The following PASK variants were observed in gnomAD, a reference collection of about 807,000 sequenced individuals.
The protein encoded by PASK is PAS domain containing serine/threonine kinase, also known as PAS domain-containing serine/threonine-protein kinase.
PASK carries 110 observed loss-of-function variants against 121.0 expected under a neutral mutation model. The observed-to-expected ratio is 0.91, with a 90% confidence interval of 0.78 to 1.06. The LOEUF (loss-of-function observed/expected upper bound fraction) is 1.06. PASK is among the 50% of genes least tolerant of loss of function. The pLI, the probability that PASK is intolerant of heterozygous loss-of-function variation, is 0.00. For missense variants in PASK, 1,643 were observed against 1,702.3 expected, an observed-to-expected ratio of 0.97 and a Z score of 0.61; for synonymous variants, 686 against 717.8, an observed-to-expected ratio of 0.96 and a Z score of 0.71.
chr2:241,122,300 A>G (rs1228876863), intron 12 of PASK, among the ~76,000 whole-genome samples: 2 of 152,226 alleles, frequency 1.3e-5, no homozygotes, highest in Non-Finnish European at 2.9e-5. Context: ...TAGATTATAA[A>G]TAAGAAAAAT....
chr2:241,135,474 T>C (rs1274230749), intron 8 of PASK, among the ~76,000 whole-genome samples: 1 of 152,120 alleles, frequency 6.6e-6, no homozygotes, highest in Non-Finnish European at 1.5e-5. Context: ...GACCCTCTAA[T>C]GTCAAACCCA....
chr2:241,134,168 G>A (rs1280310517), intron 8 of PASK: 2 of 152,166 alleles, frequency 1.3e-5, no homozygotes, highest in East Asian at 3.9e-4. Flanking sequence ...TCATCCTAAG[G>A]AAACAATGCG....
intron 11 of PASK, 63 bp from the exon 12 acceptor site, chr2:241,122,962 C>CACAGTGGT (rs2065684432): frequency 3.3e-6 from 5 of 1,529,818 alleles, no homozygotes; most frequent in Non-Finnish European, 4.5e-6. Flanking sequence ...GTGCAGCACC[C>CACAGTGGT]ACAGTGGTCC....
At chr2:241,139,516 G>T (rs1166705437) in intron 4 of PASK, 3 of 496,760 alleles carry the variant, frequency 6.0e-6, no homozygotes, top group Non-Finnish European at 1.2e-5. Flanking sequence ...ACACCAAACA[G>T]AATGTAAAAA....
At chr2:241,122,067 A>C (rs1299300157) in intron 12 of PASK, among the ~76,000 whole-genome samples, 2 of 152,248 alleles carry the variant, frequency 1.3e-5, no homozygotes, top group Non-Finnish European at 2.9e-5. Flanking sequence ...TAAATGAATG[A>C]ATGTGAAAGC....
Position 241,115,334 on chromosome 2 carries a change from A to C in PASK, c.3152T>G (p.Leu1051Ter). 6.2e-7 allele frequency: 1 copy of C among 1,613,922 alleles called. No homozygotes were observed. The highest frequency in any genetic ancestry group is 8.5e-7 in the Non-Finnish European group (1 of 1,179,862). The change falls in exon 13 of 18, where the codon TTA becomes TGA. Residue 1051 changes from leucine (L) to a stop codon, truncating the protein, a stop_gained. Coordinates refer to ENST00000234040, the MANE Select transcript of PASK (RefSeq NM_015148.4). LOFTEE classifies it high-confidence loss of function. ...CACCCTGGATAGAATTGCGATCTCT[A>C]AAGTAACTTTCCCAAGTTTGGGATC... The part of the protein sequence containing the change: ...IEDPKLGKVT[L>*]EIAILSRVEH...
chr2:241,114,764 G>C (rs1384865503), intron 14 of PASK: 15 of 1,402,732 alleles, frequency 1.1e-5, no homozygotes, highest in Non-Finnish European at 1.4e-5. Context: ...TGATTGTTGT[G>C]GATATTTTAT....
intron 10 of PASK, 44 bp downstream of exon 10, chr2:241,126,152 G>C (rs1354460665): frequency 6.3e-7 from 1 of 1,582,406 alleles, no homozygotes; most frequent in Non-Finnish European, 8.7e-7. Flanking sequence ...ACTGCACTGT[G>C]CTCTGGGAGC....
chr2:241,110,402 G>C (rs1229048182), intron 15 of PASK, among the ~76,000 whole-genome samples: 1 of 152,224 alleles, frequency 6.6e-6, no homozygotes, highest in Non-Finnish European at 1.5e-5. Flanking sequence ...TTGAGAATAA[G>C]AACTCAGAAA....
At position 241,126,343 on chromosome 2, in the gene PASK, T is replaced by C; in HGVS notation, c.2572A>G (p.Thr858Ala). 1 of 1,614,224 alleles carries C rather than the reference T, an allele frequency of 6.2e-7. No individual in the cohort carries two copies. The change falls in exon 10 of 18, where the codon ACG becomes GCG. Residue 858 changes from threonine (T) to alanine (A), a missense_variant. Physicochemically the swap from Thr to Ala is moderately conservative, Grantham distance 58 (BLOSUM62 0). This residue lies in a region of PASK where 1,176 missense variants were observed against 1,162.2 expected (regional missense o/e 1.01). Transcript: ENST00000234040. ...CTTGGCTCCTCTGCTGATGGGCACG[T>C]GTCCTCAGGGCCAGCATCCAACGTG... Reference protein sequence around the residue: ...PSTLDAGPEDTCPSAEEPRLN... With the variant: ...PSTLDAGPEDACPSAEEPRLN...
intron 1 of PASK, among the ~76,000 whole-genome samples, chr2:241,148,903 G>GA (rs1287925008): frequency 6.6e-6 from 1 of 151,994 alleles, no homozygotes; most frequent in Non-Finnish European, 1.5e-5. Flanking sequence ...CTCTGGGAAA[G>GA]AAAAATTAGT....
At chr2:241,131,901 A>C (rs1430109908) in intron 9 of PASK, among the ~76,000 whole-genome samples, 1 of 152,010 alleles carries the variant, frequency 6.6e-6, no homozygotes, top group Non-Finnish European at 1.5e-5. Flanking sequence ...TAAAAATACA[A>C]AAATTAGCCG....
Position 241,127,215 on chromosome 2 carries a change from A to G in PASK, c.1700T>C (p.Leu567Pro). ...DGGSDAGMCG[L>P]CQKAQLERMG... ...CCGCTCTAGCTGGGCCTTCTGACAC[A>G]GGCCACACATGCCAGCATCACTGCC... The change falls in exon 10 of 18, where the codon CTG (leucine) becomes CCG (proline). Residue 567 changes from leucine (L) to proline (P), a missense_variant. Physicochemically the swap from Leu to Pro is moderately conservative, Grantham distance 98. This residue lies in a region of PASK where 1,176 missense variants were observed against 1,162.2 expected (regional missense o/e 1.01). Coordinates refer to ENST00000234040, the MANE Select transcript of PASK (RefSeq NM_015148.4). The G allele has an allele frequency of 6.2e-7, 1 of 1,614,230 alleles. No individual in the cohort carries two copies. The highest frequency in any genetic ancestry group is 8.5e-7 in the Non-Finnish European group (1 of 1,180,038).
At chr2:241,128,542 GAC>G (rs2065979874) in intron 9 of PASK, among the ~76,000 whole-genome samples, 1 of 152,196 alleles carries the variant, frequency 6.6e-6, no homozygotes, top group African/African-American at 2.4e-5. Context: ...CTCGGGGACA[GAC>G]ACACAGGTTA....
At position 241,127,470 on chromosome 2, in the gene PASK, G is replaced by A. The variant is rs756880344; in HGVS notation, c.1464-19C>T. 1.9e-6 allele frequency: 3 copies of A among 1,603,768 alleles called. No individual in the cohort carries two copies. On this transcript the variant is annotated intron_variant, in intron 9 of 17. Transcript: ENST00000234040. ...GTCCACCCTGGGGATAATGACATGG[G>A]TGACCATCATGTAGGGCCACAGATG... is the stretch of plus-strand genomic sequence containing the variant.
chr2:241,111,371 G>A (rs938777044), intron 15 of PASK, among the ~76,000 whole-genome samples: 2 of 152,304 alleles, frequency 1.3e-5, no homozygotes, highest in South Asian at 2.1e-4. Context: ...GTGATCATCC[G>A]ACTCTCTAAC....
intron 5 of PASK, 65 bp from the exon 6 acceptor site, chr2:241,138,152 C>T: frequency 1.9e-6 from 3 of 1,571,188 alleles, no homozygotes; most frequent in Non-Finnish European, 2.6e-6. Context: ...TTTAACTAAG[C>T]TTCAATATGT....
intron 12 of PASK, among the ~76,000 whole-genome samples, chr2:241,116,463 G>A (rs1035433347): frequency 2.6e-5 from 4 of 152,272 alleles, no homozygotes; most frequent in South Asian, 4.1e-4. Context: ...CATGTGCCCC[G>A]GAGAACATCC....
chr2:241,107,500 C>T lies in PASK; in HGVS notation c.3668-1G>A. ...AGCCCAGACACAAGGCTCATGAGTT[C>T]TGGGGACACAAAGAACACAGATGGT... On this transcript the variant is annotated splice_acceptor_variant, in intron 16 of 17. Transcript: ENST00000234040. LOFTEE classifies it high-confidence loss of function. 1 of 1,613,896 alleles carries T rather than the reference C, an allele frequency of 6.2e-7. No individual in the cohort carries two copies. The highest frequency in any genetic ancestry group is 8.5e-7 in the Non-Finnish European group (1 of 1,179,890).
Sources: gnomAD v4.1 joint callset for allele counts (sites outside exome capture counted in the v4.1 genomes callset) on GRCh38, gnomAD v4.1.1 for gene constraint, gnomAD v4.1.1 regional missense constraint, MANE v1.5 for transcripts, NCBI Gene and HGNC (gene_info 2026-07-23, HGNC 2026-07-21) for gene names.